PROSER1: variants seen among roughly 807,000 people sequenced by gnomAD.
PROSER1 encodes proline and serine-rich protein 1.
PROSER1 carries 36 observed loss-of-function variants against 71.8 expected under a neutral mutation model. The observed-to-expected ratio is 0.50, with a 90% CI of 0.38 to 0.66. The LOEUF (loss-of-function observed/expected upper bound fraction) is 0.66. Ranked by LOEUF, PROSER1 falls within the 30% of genes least tolerant of loss-of-function variation. PROSER1 has a pLI of 0.00. For synonymous variants in PROSER1, 490 were observed against 452.4 expected (o/e 1.08, Z -1.06); for missense variants, 1,107 against 1,135.0 (o/e 0.98, Z 0.35).
In PROSER1 at chr13:39,012,971, G is replaced by A. The variant is rs1330418039; in HGVS notation, c.2281C>T (p.Pro761Ser). 2.5e-6 allele frequency: 4 copies of A among 1,614,046 alleles called. No homozygotes were observed. The highest frequency in any genetic ancestry group is 3.4e-6 in the Non-Finnish European group (4 of 1,180,042). Residue 761 changes from proline to serine, a missense_variant, in exon 11 of 13, where the codon CCT becomes TCT. Coordinates refer to ENST00000352251, the MANE Select transcript of PROSER1 (RefSeq NM_025138.5). ...LSASAPVSAA[P>S]FPLNLSTAVP... ...GCAGTGGACAGGTTGAGGGGGAAAG[G>A]TGCTGCTGAGACTGGTGCTGAAGCA... is the stretch of plus-strand genomic sequence containing the variant.
rs117318787 is a variant in PROSER1 at position 39,020,807 on chromosome 13, T to C, written c.730+1519A>G. On this transcript the variant is annotated intron_variant, in intron 9 of 12. Coordinates refer to ENST00000352251, the MANE Select transcript of PROSER1 (RefSeq NM_025138.5). ...TTGACAACATATGGGAAACCATTCA[T>C]TGTTCATATCCCATGTTACCAAAAG... Among the ~76,000 whole-genome samples, 879 of 152,286 alleles carry C rather than the reference T, an allele frequency of 5.8e-3. 4 individuals carry two copies. Among genetic ancestry groups the C allele is most frequent in the Non-Finnish European group, 9.9e-3 (670 of 68,012 alleles).
intron 9 of PROSER1, among the ~76,000 whole-genome samples, chr13:39,021,612 G>A (rs903667003): frequency 1.1e-4 from 17 of 152,064 alleles, no homozygotes; most frequent in Non-Finnish European, 8.8e-5. Flanking sequence ...AAGTGCTCCA[G>A]GTAGTTTCAG....
chr13:39,014,755 G>A (rs574645484), intron 10 of PROSER1, among the ~76,000 whole-genome samples: 49 of 152,192 alleles, frequency 3.2e-4, no homozygotes, highest in African/African-American at 9.9e-4. Flanking sequence ...ATGTTTTTCC[G>A]CTTTTTAAAA....
intron 9 of PROSER1, among the ~76,000 whole-genome samples, chr13:39,021,016 A>G (rs976839344): frequency 6.6e-6 from 1 of 152,184 alleles, no homozygotes; most frequent in South Asian, 2.1e-4. Flanking sequence ...TCTTTTTCCC[A>G]TAACTAGCCT....
In PROSER1 at chr13:39,013,591, G is replaced by A; in HGVS notation, c.1661C>T (p.Thr554Ile). 6.2e-7 allele frequency: 1 copy of A among 1,614,184 alleles called. No homozygotes were observed. Among genetic ancestry groups the A allele is most frequent in the East Asian group, 2.2e-5 (1 of 44,876 alleles). ...PVANSTSTPL[T>I]LPVQSPLATA... ...GGCTAAAGGAGACTGTACAGGCAAT[G>A]TCAGGGGAGTGGAAGTTGAGTTAGC... The change falls in exon 11 of 13, where the codon ACA becomes ATA. Residue 554 changes from threonine (T) to isoleucine (I), a missense_variant. Thr to Ile is a moderately conservative substitution (Grantham distance 89, BLOSUM62 -1). Transcript: ENST00000352251.
chr13:39,029,131 G>T (rs369745745), intron 4 of PROSER1, 150 bp downstream of exon 4: 75 of 525,274 alleles, frequency 1.4e-4, no homozygotes, highest in East Asian at 7.4e-4. Flanking sequence ...AAGTACACTA[G>T]ATACTTATTC....
intron 11 of PROSER1, 111 bp from the exon 12 acceptor site, chr13:39,012,344 G>A: frequency 1.7e-6 from 2 of 1,176,314 alleles, no homozygotes; most frequent in Non-Finnish European, 2.5e-6. Context: ...AAAAACCTTA[G>A]AATTTATTCC....
At chr13:39,024,255 T>C (rs1363025871) in intron 7 of PROSER1, among the ~76,000 whole-genome samples, 1 of 152,146 alleles carries the variant, frequency 6.6e-6, no homozygotes, top group Admixed American at 6.5e-5. Context: ...CTGAAAGCAA[T>C]TTCACTGATT....
intron 9 of PROSER1, among the ~76,000 whole-genome samples, chr13:39,018,767 A>C (rs1273005404): frequency 6.6e-6 from 1 of 152,148 alleles, no homozygotes; most frequent in Non-Finnish European, 1.5e-5. Flanking sequence ...AGGGGAAAAA[A>C]AGCAGAGGAA....
chr13:39,033,816 T>C (rs982643987), intron 2 of PROSER1, among the ~76,000 whole-genome samples: 1 of 152,240 alleles, frequency 6.6e-6, no homozygotes, highest in African/African-American at 2.4e-5. Context: ...CATGTAACTA[T>C]AAAAATTTGG....
rs1871172737 is a variant in PROSER1 at position 39,037,428 on chromosome 13, G to A, written c.-186C>T. 5.2e-6 allele frequency: 3 copies of A among 576,354 alleles called. No individual in the cohort carries two copies. The Admixed American group carries it at 9.4e-5, about 18-fold the overall frequency. 35.7% of individuals were successfully genotyped at this position (576,354 alleles called of 1,614,324 possible). A position where few individuals can be genotyped will look rare whatever the true frequency, so the allele number is the denominator to read the frequency against. ...CGCAAAAAAAATTTCTAAAAATTGA[G>A]ATTCAGAAAAACTCTTTTTATTAAA... On this transcript the variant is annotated 5_prime_UTR_variant, in exon 1 of 13. Coordinates refer to ENST00000352251, the MANE Select transcript of PROSER1 (RefSeq NM_025138.5).
chr13:39,015,622 CATAATTCATTTGCACTATGTGAAGGCCAA>C (rs1869973286), intron 10 of PROSER1, among the ~76,000 whole-genome samples: 1 of 152,044 alleles, frequency 6.6e-6, no homozygotes, highest in Non-Finnish European at 1.5e-5. Context: ...ACAACACATA[CATAATTCATTTGCACTATGTGAAGGCCAA>C]GGGGTGTCAC....
intron 1 of PROSER1, among the ~76,000 whole-genome samples, chr13:39,034,480 A>G (rs995390814): frequency 1.3e-5 from 2 of 152,248 alleles, no homozygotes; most frequent in African/African-American, 4.8e-5. Context: ...ATGATTCAAC[A>G]TCAGTATACA....
At position 39,022,403 on chromosome 13, in the gene PROSER1, T is replaced by C; in HGVS notation, c.653A>G (p.Asn218Ser). The C allele has an allele frequency of 1.9e-6, 3 of 1,611,274 alleles. No homozygotes were observed. The highest frequency in any genetic ancestry group is 2.5e-6 in the Non-Finnish European group (3 of 1,177,442). The change falls in exon 9 of 13, where the codon AAC becomes AGC. Residue 218 changes from asparagine (N) to serine (S), a missense_variant. Physicochemically the swap from Asn to Ser is conservative, Grantham distance 46. Transcript: ENST00000352251. Reference sequence around the variant, plus strand: ...CGCTAATGGTACCAGACCTGCATTGTTATAAGCACCTAAAATAAAAACACA... The same window carrying C: ...CGCTAATGGTACCAGACCTGCATTGCTATAAGCACCTAAAATAAAAACACA... ...PHATIAPSAY[N>S]NAGLVPLANV...
rs1566021516 is a variant in PROSER1 at position 39,013,181 on chromosome 13, C to A, written c.2071G>T (p.Ala691Ser). 2 of 1,613,874 alleles carry A rather than the reference C, an allele frequency of 1.2e-6. No individual in the cohort carries two copies. Among genetic ancestry groups the A allele is most frequent in the Non-Finnish European group, 1.7e-6 (2 of 1,179,926 alleles). Residue 691 changes from alanine (A) to serine (S), a missense_variant, in exon 11 of 13, where the codon GCA becomes TCA. Physicochemically the swap from Ala to Ser is moderately conservative, Grantham distance 99 (BLOSUM62 1). Transcript: ENST00000352251. ...GAAGGAAGAGCAGTGAATACTGGTG[C>A]AATGGGAGTGGAGGAACCATGTGGT... ...LPPHGSSTPI[A>S]PVFTALPSFT...
intron 6 of PROSER1, among the ~76,000 whole-genome samples, chr13:39,025,652 G>A (rs1457512507): frequency 6.6e-6 from 1 of 152,094 alleles, no homozygotes; most frequent in East Asian, 1.9e-4. Context: ...CCCTATTCTT[G>A]GGCTCCAATC....
Position 39,011,402 on chromosome 13 carries a change from G to T in PROSER1, c.2798C>A (p.Ser933Tyr). Residue 933 changes from serine (S) to tyrosine (Y), a missense_variant, in exon 13 of 13, where the codon TCT (serine) becomes TAT (tyrosine). Physicochemically the swap from Ser to Tyr is moderately radical, Grantham distance 144 (BLOSUM62 -2). Coordinates refer to ENST00000352251, the MANE Select transcript of PROSER1 (RefSeq NM_025138.5). Reference protein sequence around the residue: ...SYPSAPGTPFSLQPSLSQSGW... With the variant: ...SYPSAPGTPFYLQPSLSQSGW... ...ACTCTGGGACAGGCTTGGTTGCAAA[G>T]AAAATGGTGTTCCTGGCGCTGAAGG... 6.2e-7 allele frequency: 1 copy of T among 1,614,134 alleles called. No homozygotes were observed. Among genetic ancestry groups the T allele is most frequent in the Non-Finnish European group, 8.5e-7 (1 of 1,179,990 alleles).
chr13:39,013,360 C>T lies in PROSER1; in HGVS notation c.1892G>A (p.Gly631Asp). The T allele has an allele frequency of 1.2e-6, 2 of 1,614,110 alleles. No homozygotes were observed. Among genetic ancestry groups the T allele is most frequent in the Non-Finnish European group, 1.7e-6 (2 of 1,180,022 alleles). ...CAATGTCCCTGACAAACCTAAAGTG[C>T]CATGAGAGGGATTCCCAGAATGAGA... is the stretch of plus-strand genomic sequence containing the variant. ...GPSHSGNPSHGTLGLSGTLGR... is the reference protein window; with the variant it reads ...GPSHSGNPSHDTLGLSGTLGR... The change falls in exon 11 of 13, where the codon GGC (glycine) becomes GAC (aspartate). Residue 631 changes from glycine to aspartate, a missense_variant. Coordinates refer to ENST00000352251, the MANE Select transcript of PROSER1 (RefSeq NM_025138.5).
At chr13:39,028,190 C>T in intron 5 of PROSER1, 37 bp downstream of exon 5, 1 of 1,135,050 alleles carries the variant, frequency 8.8e-7, no homozygotes, top group African/African-American at 1.5e-5. Context: ...TCGGAAAAAC[C>T]AGCGTACCAA....
Sources: gnomAD v4.1 joint callset for allele counts (sites outside exome capture counted in the v4.1 genomes callset) on GRCh38, gnomAD v4.1.1 for gene constraint, MANE v1.5 for transcripts, NCBI Gene and HGNC (gene_info 2026-07-23, HGNC 2026-07-21) for gene names.